The following SLC35F4 variants were observed in gnomAD, a reference collection of about 807,000 sequenced individuals.
SLC35F4 encodes solute carrier family 35 member F4, also known as chromosome 14 open reading frame 36.
In SLC35F4, 24 loss-of-function variants were observed where a neutral mutation model predicts 44.2. The ratio of observed to expected loss-of-function variants is 0.54; its 90% CI spans 0.39 to 0.76. SLC35F4 has a LOEUF of 0.76. Ranked by LOEUF, SLC35F4 falls within the 30% of genes least tolerant of loss-of-function variation. The pLI is 0.00. For missense variants in SLC35F4, 562 were observed against 586.1 expected (o/e 0.96, Z 0.42); for synonymous variants, 238 against 223.6 (o/e 1.06, Z -0.57).
Position 57,605,474 on chromosome 14 carries a change from C to A in SLC35F4, c.104-11350G>T, listed in dbSNP as rs189395032. On this transcript the variant is annotated intron_variant, in intron 1 of 7. Coordinates refer to ENST00000556826, the MANE Select transcript of SLC35F4 (RefSeq NM_001306087.2). The stretch of plus-strand genomic sequence containing the variant: ...AAAATAAGAGATGTTGGTGAGGCTG[C>A]AGAAAAAATGAAATACTTATATACT... 1.4e-3 allele frequency among the ~76,000 whole-genome samples: 212 copies of A among 152,140 alleles called. 1 individual carries two copies. The highest frequency in any genetic ancestry group is 4.8e-3 in the African/African-American group (201 of 41,540).
Position 57,788,051 on chromosome 14 carries a change from T to C in SLC35F4, c.103+77672A>G, listed in dbSNP as rs141981256. ...CTCACCTAACACATAAGGACTCACA[T>C]AGACTTAAAGCAAAGGGGTGGAAAA... On this transcript the variant is annotated intron_variant, in intron 1 of 7. Transcript: ENST00000556826. Among the ~76,000 whole-genome samples the C allele has an allele frequency of 1.9e-3, 286 of 152,252 alleles. 1 individual carries two copies. Among genetic ancestry groups the C allele is most frequent in the African/African-American group, 6.2e-3 (257 of 41,536 alleles).
chr14:57,736,608 G>A (rs1427372762), intron 1 of SLC35F4, among the ~76,000 whole-genome samples: 2 of 152,178 alleles, frequency 1.3e-5, no homozygotes, highest in African/African-American at 4.8e-5. Flanking sequence ...AGCAACAAGT[G>A]GATGGGTCAT....
intron 7 of SLC35F4, 112 bp downstream of exon 7, chr14:57,566,363 A>T: frequency 1.0e-6 from 1 of 967,218 alleles, no homozygotes; most frequent in Non-Finnish European, 1.5e-6. Flanking sequence ...ACATCTTCCC[A>T]GGCAAGGAAC....
chr14:57,845,305 T>C (rs1885914043), intron 1 of SLC35F4, among the ~76,000 whole-genome samples: 1 of 152,208 alleles, frequency 6.6e-6, no homozygotes, highest in Admixed American at 6.5e-5. Flanking sequence ...TTGGGCAAGG[T>C]AACCTCTCTG....
intron 1 of SLC35F4, among the ~76,000 whole-genome samples, chr14:57,820,390 A>G (rs1883042011): frequency 1.3e-5 from 2 of 152,216 alleles, no homozygotes; most frequent in Admixed American, 1.3e-4. Flanking sequence ...GAGTCTGGGT[A>G]AGAGAAAAAT....
intron 1 of SLC35F4, among the ~76,000 whole-genome samples, chr14:57,702,402 T>G (rs368819812): frequency 6.6e-6 from 1 of 152,108 alleles, no homozygotes; most frequent in East Asian, 1.9e-4. Context: ...GCCTGTTCTA[T>G]TCATTGTACT....
chr14:57,690,281 G>A (rs1230080360), intron 1 of SLC35F4, among the ~76,000 whole-genome samples: 1 of 152,160 alleles, frequency 6.6e-6, no homozygotes, highest in Admixed American at 6.5e-5. Flanking sequence ...AAATAAGAAA[G>A]GTAAGGTCTA....
At chr14:57,637,402 A>T (rs1017133759) in intron 1 of SLC35F4, among the ~76,000 whole-genome samples, 1 of 152,062 alleles carries the variant, frequency 6.6e-6, no homozygotes, top group Non-Finnish European at 1.5e-5. Flanking sequence ...TCCTAACCCC[A>T]TCTGTAAGAG....
intron 1 of SLC35F4, among the ~76,000 whole-genome samples, chr14:57,795,251 T>A (rs2078027234): frequency 6.6e-6 from 1 of 152,154 alleles, no homozygotes; most frequent in Non-Finnish European, 1.5e-5. Flanking sequence ...GATGGAAAAA[T>A]AGAAAAATCT....
intron 1 of SLC35F4, among the ~76,000 whole-genome samples, chr14:57,935,575 A>G (rs919512580): frequency 6.6e-6 from 1 of 152,192 alleles, no homozygotes; most frequent in African/African-American, 2.4e-5. Flanking sequence ...GCCCCTTCTA[A>G]TATTATTCTT....
chr14:57,782,089 G>A (rs745386382), intron 1 of SLC35F4, among the ~76,000 whole-genome samples: 1 of 152,060 alleles, frequency 6.6e-6, no homozygotes, highest in Non-Finnish European at 1.5e-5. Context: ...AGTAGTACAA[G>A]TAAAAAAATG....
At chr14:57,664,307 C>T (rs941988754) in intron 1 of SLC35F4, among the ~76,000 whole-genome samples, 4 of 152,152 alleles carry the variant, frequency 2.6e-5, no homozygotes, top group African/African-American at 9.7e-5. Context: ...ACTCATTTAA[C>T]AGGTAGCATT....
At chr14:57,745,152 C>T (rs145835429) in intron 1 of SLC35F4, among the ~76,000 whole-genome samples, 2,583 of 152,298 alleles carry the variant, frequency 0.017, 81 homozygotes, top group African/African-American at 0.059. Flanking sequence ...CTAGGCAATA[C>T]CATTCAGGAC....
intron 1 of SLC35F4, among the ~76,000 whole-genome samples, chr14:57,686,238 T>C (rs1566762568): frequency 6.6e-6 from 1 of 152,198 alleles, no homozygotes; most frequent in East Asian, 1.9e-4. Context: ...AGTTGGTGCT[T>C]CTTTGAAAAT....
At chr14:57,686,237 T>G (rs17093557) in intron 1 of SLC35F4, among the ~76,000 whole-genome samples, 3,901 of 152,308 alleles carry the variant, frequency 0.026, 160 homozygotes, top group African/African-American at 0.087. Context: ...TAGTTGGTGC[T>G]TCTTTGAAAA....
chr14:57,825,685 C>G (rs1327057357), intron 1 of SLC35F4, among the ~76,000 whole-genome samples: 1 of 152,166 alleles, frequency 6.6e-6, no homozygotes, highest in Admixed American at 6.5e-5. Flanking sequence ...GATACAAAAT[C>G]ATTGTGCAAA....
intron 1 of SLC35F4, among the ~76,000 whole-genome samples, chr14:57,634,983 G>A (rs749469053): frequency 2.0e-5 from 3 of 152,062 alleles, no homozygotes; most frequent in Non-Finnish European, 2.9e-5. Context: ...CCCCTTGGCC[G>A]GTTGCGGCTC....
chr14:57,705,375 G>A (rs540382663), intron 1 of SLC35F4, among the ~76,000 whole-genome samples: 1 of 152,242 alleles, frequency 6.6e-6, no homozygotes, highest in Non-Finnish European at 1.5e-5. Context: ...ACAAAATCTA[G>A]CACTAATTGT....
chr14:57,818,769 G>T (rs1246614061), intron 1 of SLC35F4, among the ~76,000 whole-genome samples: 1 of 152,204 alleles, frequency 6.6e-6, no homozygotes, highest in African/African-American at 2.4e-5. Context: ...GGTTACAGAA[G>T]AGTGTGCTGA....
Sources: gnomAD v4.1 joint callset for allele counts (sites outside exome capture counted in the v4.1 genomes callset) on GRCh38, gnomAD v4.1.1 for gene constraint, MANE v1.5 for transcripts, NCBI Gene and HGNC (gene_info 2026-07-23, HGNC 2026-07-21) for gene names.